Variants in SDK1 observed in about 807,000 individuals in gnomAD.
SDK1 encodes the protein sidekick cell adhesion molecule 1, also known as protein sidekick-1.
SDK1 carries 157 observed loss-of-function variants against 245.5 expected under a neutral mutation model. The ratio of observed to expected loss-of-function variants is 0.64; its 90% CI spans 0.56 to 0.73. The LOEUF (loss-of-function observed/expected upper bound fraction) is 0.73, where lower values mean the gene tolerates loss of function less well. SDK1 is among the 30% of genes least tolerant of loss of function. The probability of loss-of-function intolerance (pLI) is 0.00; values close to 1 mark genes in which losing one functional copy is unlikely to be tolerated. For synonymous variants in SDK1, 1,647 were observed against 1,278.5 expected (o/e 1.29, Z -6.15); for missense variants, 3,583 against 3,002.3 (o/e 1.19, Z -4.52).
intron 2 of SDK1, among the ~76,000 whole-genome samples, chr7:3,626,429 C>G (rs1306592002): frequency 2.0e-5 from 3 of 152,172 alleles, no homozygotes; most frequent in Admixed American, 1.3e-4. Context: ...TCTTACTGGA[C>G]CAAGTCTCAA....
chr7:3,788,602 T>G (rs755518365), intron 4 of SDK1, among the ~76,000 whole-genome samples: 1 of 152,150 alleles, frequency 6.6e-6, no homozygotes, highest in African/African-American at 2.4e-5. Context: ...CTGGGCCACG[T>G]TGGAAAAAGA....
At chr7:4,020,004 A>G (rs1196286225) in intron 17 of SDK1, among the ~76,000 whole-genome samples, 4 of 151,532 alleles carry the variant, frequency 2.6e-5, no homozygotes, top group Non-Finnish European at 5.9e-5. Context: ...ATCTCCCTGG[A>G]GCTTGCTGGG....
At chr7:3,952,581 C>A (rs1306809781) in intron 7 of SDK1, among the ~76,000 whole-genome samples, 1 of 148,464 alleles carries the variant, frequency 6.7e-6, no homozygotes, top group African/African-American at 2.6e-5. Context: ...AAAACTCCAA[C>A]TCAAAAAAAA....
intron 1 of SDK1, among the ~76,000 whole-genome samples, chr7:3,580,490 C>G (rs796702628): frequency 1.3e-5 from 2 of 152,232 alleles, no homozygotes; most frequent in Admixed American, 6.5e-5. Context: ...ATAAGGCCAT[C>G]ACACCTAGAA....
At chr7:4,033,933 C>T (rs1364352984) in intron 17 of SDK1, among the ~76,000 whole-genome samples, 1 of 152,070 alleles carries the variant, frequency 6.6e-6, no homozygotes, top group East Asian at 1.9e-4. Context: ...GGATAGACTC[C>T]TCACAAAGTA....
At chr7:3,870,175 C>G (rs1780921744) in intron 5 of SDK1, among the ~76,000 whole-genome samples, 1 of 152,182 alleles carries the variant, frequency 6.6e-6, no homozygotes, top group African/African-American at 2.4e-5. Flanking sequence ...GCTTTTAAGA[C>G]TCCATAAAGA....
At chr7:3,962,938 G>T (rs1781816404) in intron 9 of SDK1, 87 bp downstream of exon 9, 4 of 482,584 alleles carry the variant, frequency 8.3e-6, no homozygotes, top group Non-Finnish European at 1.3e-5. Flanking sequence ...GTAACCAGTG[G>T]GTACACCCAG....
At chr7:3,426,633 G>A (rs904670095) in intron 1 of SDK1, among the ~76,000 whole-genome samples, 1 of 152,210 alleles carries the variant, frequency 6.6e-6, no homozygotes. Context: ...ATCAACATCT[G>A]TCTCCAGTTA....
chr7:3,803,819 C>A (rs1257033624), intron 4 of SDK1, among the ~76,000 whole-genome samples: 2 of 144,558 alleles, frequency 1.4e-5, no homozygotes, highest in African/African-American at 5.2e-5. Flanking sequence ...GGCTGGAATG[C>A]AGTGGCATGA....
At chr7:4,001,347 T>A (rs1035305293) in intron 14 of SDK1, among the ~76,000 whole-genome samples, 1 of 152,180 alleles carries the variant, frequency 6.6e-6, no homozygotes, top group African/African-American at 2.4e-5. Flanking sequence ...CTCCTGCCCC[T>A]TCTCTGGAGG....
chr7:3,306,295 C>A (rs1240865005), intron 1 of SDK1, among the ~76,000 whole-genome samples: 1 of 152,182 alleles, frequency 6.6e-6, no homozygotes, highest in Non-Finnish European at 1.5e-5. Context: ...AAGAAAATGA[C>A]TATCACCATT....
chr7:4,180,971 A>T (rs1028852220), intron 35 of SDK1, among the ~76,000 whole-genome samples: 1 of 152,314 alleles, frequency 6.6e-6, no homozygotes, highest in Admixed American at 6.5e-5. Flanking sequence ...TAAGATGCGT[A>T]TAACATGGAA....
At chr7:3,997,801 G>T (rs1784792204) in intron 14 of SDK1, among the ~76,000 whole-genome samples, 1 of 152,118 alleles carries the variant, frequency 6.6e-6, no homozygotes, top group South Asian at 2.1e-4. Flanking sequence ...TGAAGGTGGG[G>T]CCTCACCGGA....
intron 17 of SDK1, among the ~76,000 whole-genome samples, chr7:4,027,353 G>C (rs147649829): frequency 6.6e-6 from 1 of 152,328 alleles, no homozygotes; most frequent in East Asian, 1.9e-4. Context: ...ATTTCCTCCT[G>C]TGCCAAATCC....
intron 1 of SDK1, among the ~76,000 whole-genome samples, chr7:3,605,482 T>C (rs1326039527): frequency 1.3e-5 from 2 of 152,252 alleles, no homozygotes; most frequent in Non-Finnish European, 2.9e-5. Flanking sequence ...CTAATAATGT[T>C]GACTTTTCCT....
At chr7:3,644,522 T>C (rs1363475363) in intron 4 of SDK1, among the ~76,000 whole-genome samples, 1 of 151,394 alleles carries the variant, frequency 6.6e-6, no homozygotes, top group East Asian at 1.9e-4. Flanking sequence ...CTCGGCACTT[T>C]AGGATGCTGA....
At chr7:3,947,914 A>G (rs1207435325) in intron 5 of SDK1, among the ~76,000 whole-genome samples, 1 of 152,246 alleles carries the variant, frequency 6.6e-6, no homozygotes, top group East Asian at 1.9e-4. Flanking sequence ...GATTTAGGGG[A>G]GATTGCCTTA....
chr7:3,875,854 A>G (rs1781062966), intron 5 of SDK1, among the ~76,000 whole-genome samples: 1 of 152,124 alleles, frequency 6.6e-6, no homozygotes, highest in Non-Finnish European at 1.5e-5. Context: ...AATATGTAAG[A>G]GTGTACCACC....
At chr7:3,675,153 A>C (rs115786484) in intron 4 of SDK1, among the ~76,000 whole-genome samples, 1 of 152,150 alleles carries the variant, frequency 6.6e-6, no homozygotes, top group South Asian at 2.1e-4. Context: ...TGCTCCACCC[A>C]TAGTCTATAT....
Sources: allele counts gnomAD v4.1 joint callset (sites outside exome capture counted in the v4.1 genomes callset), GRCh38; gene constraint gnomAD v4.1.1; transcripts MANE v1.5; gene names NCBI Gene and HGNC (gene_info 2026-07-23, HGNC 2026-07-21).